The following STK33 variants were observed in gnomAD, a reference collection of about 807,000 sequenced individuals.
STK33 encodes the protein serine/threonine kinase 33, also known as serine/threonine-protein kinase 33.
STK33 carries 52 observed loss-of-function variants against 58.0 expected under a neutral mutation model. The ratio of observed to expected loss-of-function variants is 0.90; its 90% CI spans 0.72 to 1.13. The LOEUF is 1.13. Among genes scored for constraint, STK33 ranks in the 50% most tolerant of loss-of-function variants. The pLI, the probability that STK33 is intolerant of heterozygous loss-of-function variation, is 0.00. For missense variants in STK33, 630 were observed against 604.2 expected (o/e 1.04, Z -0.45); for synonymous variants, 215 against 200.1 (o/e 1.07, Z -0.63).
chr11:8,562,165 T>G (rs1199060986), intron 1 of STK33, among the ~76,000 whole-genome samples: 1 of 152,252 alleles, frequency 6.6e-6, no homozygotes, highest in Non-Finnish European at 1.5e-5. Flanking sequence ...TACTTCATTC[T>G]GCATGCTTAG....
At chr11:8,493,102 C>G (rs12363724) in intron 1 of STK33, among the ~76,000 whole-genome samples, 14,692 of 151,836 alleles carry the variant, frequency 0.097, 1,695 homozygotes, top group African/African-American at 0.28. Flanking sequence ...AAGATCAGAG[C>G]AGAACTGAAG....
rs549233916 is a variant in STK33, at chr11:8,452,613, A to G, written c.871+209T>C. On this transcript the variant is annotated intron_variant, in intron 11 of 15. Transcript: ENST00000687296. ...ATCCCGGGCAAACAGTGAGACTGCT[A>G]TCTCTTAAAAACAAAAAAAAATTAA... Among the ~76,000 whole-genome samples the G allele has an allele frequency of 7.5e-4, 114 of 152,042 alleles. 1 individual carries two copies. The Middle Eastern group carries it at 0.017, about 23-fold the overall frequency.
At chr11:8,381,212 C>T in the STK33 span, among the ~76,000 whole-genome samples, 15 of 152,250 alleles carry the variant, frequency 9.9e-5, no homozygotes, top group South Asian at 4.2e-4. Context: ...CATCACTGTA[C>T]AATTCATCCG....
At chr11:8,359,799 G>A in the STK33 span, among the ~76,000 whole-genome samples, 2 of 152,232 alleles carry the variant, frequency 1.3e-5, no homozygotes, top group African/African-American at 4.8e-5. Flanking sequence ...GTTGGCACAG[G>A]GGTGGTCTAG....
chr11:8,337,669 CT>C, the STK33 span, among the ~76,000 whole-genome samples: 2 of 151,990 alleles, frequency 1.3e-5, no homozygotes, highest in East Asian at 3.9e-4. Context: ...TGCCCTCAGC[CT>C]GCTCTCTCAC....
chr11:8,562,668 T>C (rs1048041245), intron 1 of STK33, among the ~76,000 whole-genome samples: 6 of 152,176 alleles, frequency 3.9e-5, no homozygotes, highest in African/African-American at 1.2e-4. Flanking sequence ...AGTTTCATGA[T>C]AAGGAATATG....
intron 1 of STK33, among the ~76,000 whole-genome samples, chr11:8,519,148 A>G (rs1039637765): frequency 6.6e-6 from 1 of 152,228 alleles, no homozygotes; most frequent in Non-Finnish European, 1.5e-5. Context: ...TGTCTCTCAG[A>G]CCACAGTGCA....
At chr11:8,345,396 TCGTCTC>T in the STK33 span, among the ~76,000 whole-genome samples, 1 of 152,238 alleles carries the variant, frequency 6.6e-6, no homozygotes, top group Non-Finnish European at 1.5e-5. Flanking sequence ...CATTAAACCC[TCGTCTC>T]CCTTCCTTCC....
At chr11:8,436,170 T>A (rs757154412) in intron 12 of STK33, 31 bp from the exon 13 acceptor site, 3 of 1,305,400 alleles carry the variant, frequency 2.3e-6, no homozygotes, top group South Asian at 3.1e-5. Context: ...TTGTTTAAAT[T>A]TTTTAAATAA....
intron 1 of STK33, among the ~76,000 whole-genome samples, chr11:8,576,553 A>G (rs1257793585): frequency 2.6e-4 from 40 of 152,234 alleles, no homozygotes; most frequent in Non-Finnish European, 5.9e-5. Context: ...ATGTGTGAAT[A>G]TAACAGATAT....
chr11:8,406,380 A>G (rs1939210981), intron 15 of STK33, among the ~76,000 whole-genome samples: 1 of 152,152 alleles, frequency 6.6e-6, no homozygotes, highest in African/African-American at 2.4e-5. Flanking sequence ...AAATTTTAGA[A>G]TCATCTTGTC....
Position 8,576,174 on chromosome 11 carries a change from C to T in STK33, c.-466+17909G>A, listed in dbSNP as rs549785247. Among the ~76,000 whole-genome samples the T allele has an allele frequency of 7.9e-5, 12 of 152,220 alleles. No homozygotes were observed. In the East Asian group the frequency reaches 2.1e-3, roughly 27 times the overall value. On this transcript the variant is annotated intron_variant, in intron 1 of 15. Transcript: ENST00000687296. The stretch of plus-strand genomic sequence containing the variant: ...AGAGGACTGAATGGGGAGTTGAAAA[C>T]AAACAGCAGAACTTTCCTAATCCTC...
chr11:8,505,559 T>C (rs529692618), intron 1 of STK33, among the ~76,000 whole-genome samples: 4 of 152,300 alleles, frequency 2.6e-5, no homozygotes, highest in Non-Finnish European at 5.9e-5. Context: ...AAGGCTTCCC[T>C]AACCTCTAAG....
chr11:8,563,627 A>G (rs983480989), intron 1 of STK33, among the ~76,000 whole-genome samples: 1 of 152,302 alleles, frequency 6.6e-6, no homozygotes, highest in Non-Finnish European at 1.5e-5. Flanking sequence ...CACCCTCCAC[A>G]TGGTACATGA....
At chr11:8,452,718 G>T (rs2136951287) in intron 11 of STK33, 104 bp downstream of exon 11, 2 of 978,768 alleles carry the variant, frequency 2.0e-6, no homozygotes, top group Admixed American at 1.8e-5. Context: ...AGCCCAGGAG[G>T]TCAAGGCTGC....
chr11:8,393,887 A>G (rs912022505), intron 15 of STK33, among the ~76,000 whole-genome samples: 2 of 152,302 alleles, frequency 1.3e-5, no homozygotes, highest in East Asian at 1.9e-4. Context: ...TTTGGCACCT[A>G]TATTTCAAGA....
chr11:8,413,784 GT>G, intron 14 of STK33, 92 bp from the exon 15 acceptor site: 13 of 1,121,780 alleles, frequency 1.2e-5, no homozygotes, highest in Non-Finnish European at 1.5e-5. Flanking sequence ...CCCAAATTCA[GT>G]AATAGTCACA....
intron 1 of STK33, among the ~76,000 whole-genome samples, chr11:8,498,782 A>G (rs1206017583): frequency 6.6e-6 from 1 of 152,180 alleles, no homozygotes; most frequent in Non-Finnish European, 1.5e-5. Context: ...AACACCACAC[A>G]TCTACAATCA....
downstream of STK33, among the ~76,000 whole-genome samples, chr11:8,388,023 G>A (rs1368425256): frequency 1.3e-5 from 2 of 152,170 alleles, no homozygotes; most frequent in African/African-American, 2.4e-5. Context: ...GATCTAGTTC[G>A]GAGAGGAACC....
Sources: gnomAD v4.1 joint callset for allele counts (sites outside exome capture counted in the v4.1 genomes callset) on GRCh38, gnomAD v4.1.1 for gene constraint, MANE v1.5 for transcripts, NCBI Gene and HGNC (gene_info 2026-07-23, HGNC 2026-07-21) for gene names.